Variants in TENM3 observed in about 807,000 individuals in gnomAD.
The protein encoded by TENM3 is teneurin transmembrane protein 3, also known as teneurin-3.
In TENM3, 63 loss-of-function variants were observed where a neutral mutation model predicts 255.1. The observed-to-expected ratio is 0.25, with a 90% CI of 0.20 to 0.30. The LOEUF (loss-of-function observed/expected upper bound fraction) is 0.30. Among genes scored for constraint, TENM3 ranks in the 10% least tolerant of loss-of-function variants. TENM3 has a pLI of 1.00. For missense variants in TENM3, 2,929 were observed against 3,461.1 expected, an observed-to-expected ratio of 0.85 and a Z score of 3.86; for synonymous variants, 1,306 against 1,322.3, an observed-to-expected ratio of 0.99 and a Z score of 0.27.
the TENM3 span, among the ~76,000 whole-genome samples, chr4:181,754,589 G>A: frequency 1.3e-5 from 2 of 152,148 alleles, no homozygotes; most frequent in African/African-American, 2.4e-5. Context: ...ACAAAGGAAT[G>A]ACAGTGGAGA....
chr4:181,605,564 A>AAGAAAGAG, the TENM3 span, among the ~76,000 whole-genome samples: 1 of 25,026 alleles, frequency 4.0e-5, no homozygotes, highest in African/African-American at 9.4e-5. Flanking sequence ...GAAAGAAAGA[A>AAGAAAGAG]AGAAAGAGAG....
chr4:182,508,721 G>A (rs902087951), intron 3 of TENM3, among the ~76,000 whole-genome samples: 5 of 152,182 alleles, frequency 3.3e-5, no homozygotes, highest in African/African-American at 1.2e-4. Context: ...TTAAATAAAT[G>A]ATGAAATGGG....
chr4:181,484,284 A>G, the TENM3 span, among the ~76,000 whole-genome samples: 59 of 152,052 alleles, frequency 3.9e-4, no homozygotes, highest in Non-Finnish European at 2.1e-4. Context: ...CATTTTTCCT[A>G]TAGATAATCA....
the TENM3 span, among the ~76,000 whole-genome samples, chr4:181,452,751 A>C: frequency 6.6e-6 from 1 of 152,326 alleles, no homozygotes; most frequent in Non-Finnish European, 1.5e-5. Flanking sequence ...AATTTTGTGC[A>C]GAGCATAGTC....
At chr4:181,938,507 C>T in the TENM3 span, among the ~76,000 whole-genome samples, 4 of 152,184 alleles carry the variant, frequency 2.6e-5, no homozygotes, top group Non-Finnish European at 5.9e-5. Flanking sequence ...TATATGTTCA[C>T]TTTTCGTTGT....
At chr4:182,319,373 T>A (rs1762917671) in intron 1 of TENM3, among the ~76,000 whole-genome samples, 1 of 152,236 alleles carries the variant, frequency 6.6e-6, no homozygotes, top group South Asian at 2.1e-4. Flanking sequence ...CTGACTTCCA[T>A]CAATGAAGCA....
At chr4:181,665,624 TATACACACAC>T in the TENM3 span, among the ~76,000 whole-genome samples, 2 of 146,324 alleles carry the variant, frequency 1.4e-5, no homozygotes, top group African/African-American at 4.9e-5. Flanking sequence ...AATGTGTATA[TATACACACAC>T]ATACACACAC....
At chr4:181,836,505 T>C in the TENM3 span, among the ~76,000 whole-genome samples, 1 of 152,324 alleles carries the variant, frequency 6.6e-6, no homozygotes, top group South Asian at 2.1e-4. Flanking sequence ...TTTTTTCATA[T>C]GAATGACTGA....
At chr4:182,254,164 C>T (rs189865677) in intron 1 of TENM3, among the ~76,000 whole-genome samples, 19 of 152,274 alleles carry the variant, frequency 1.2e-4, no homozygotes, top group Non-Finnish European at 2.2e-4. Flanking sequence ...CCTAATGCCC[C>T]TATGTGAAAT....
the TENM3 span, among the ~76,000 whole-genome samples, chr4:181,874,830 G>T: frequency 6.6e-6 from 1 of 152,324 alleles, no homozygotes; most frequent in East Asian, 1.9e-4. Context: ...CTTGGGCTCT[G>T]CTTCTTTGCA....
At chr4:181,587,305 A>G in the TENM3 span, among the ~76,000 whole-genome samples, 1 of 152,126 alleles carries the variant, frequency 6.6e-6, no homozygotes, top group African/African-American at 2.4e-5. Flanking sequence ...CATTGAATCA[A>G]TCATCTCCCA....
chr4:182,009,829 G>C, the TENM3 span, among the ~76,000 whole-genome samples: 9 of 152,360 alleles, frequency 5.9e-5, no homozygotes, highest in Non-Finnish European at 1.0e-4. Flanking sequence ...CTAGGCCCCG[G>C]TGGCCTGGGT....
At chr4:181,827,466 A>T in the TENM3 span, among the ~76,000 whole-genome samples, 1 of 152,200 alleles carries the variant, frequency 6.6e-6, no homozygotes, top group Non-Finnish European at 1.5e-5. Flanking sequence ...AGTAGCTCAC[A>T]CAAAAGATTT....
chr4:181,451,913 A>AT, the TENM3 span, among the ~76,000 whole-genome samples: 1,773 of 152,148 alleles, frequency 0.012, 56 homozygotes, highest in East Asian at 0.09. Context: ...ACATAGGGAG[A>AT]TTTTTTTAAG....
chr4:182,560,958 A>C (rs985058847), intron 3 of TENM3, among the ~76,000 whole-genome samples: 8 of 152,184 alleles, frequency 5.3e-5, no homozygotes, highest in Admixed American at 2.6e-4. Context: ...TGTAGGATAG[A>C]GTACATCCAT....
chr4:182,240,594 T>G (rs1757188283), upstream of TENM3, among the ~76,000 whole-genome samples: 1 of 152,188 alleles, frequency 6.6e-6, no homozygotes, highest in African/African-American at 2.4e-5. Flanking sequence ...TCAAGTTATC[T>G]TGCGTGCACT....
intron 4 of TENM3, 27 bp from the exon 5 acceptor site, chr4:182,628,624 T>C (rs746419496): frequency 6.4e-6 from 9 of 1,397,232 alleles, no homozygotes; most frequent in African/African-American, 1.4e-5. Flanking sequence ...TATTTGTATC[T>C]TATAATGATA....
the TENM3 span, among the ~76,000 whole-genome samples, chr4:181,897,647 G>T: frequency 6.6e-6 from 1 of 152,180 alleles, no homozygotes; most frequent in Admixed American, 6.5e-5. Context: ...AAATCTGAAA[G>T]TTAGAGATCA....
chr4:182,748,890 C>A (rs567567816), intron 19 of TENM3, among the ~76,000 whole-genome samples: 1 of 152,254 alleles, frequency 6.6e-6, no homozygotes, highest in Admixed American at 6.5e-5. Flanking sequence ...AAGCCATTGA[C>A]ATTTGTTGCT....
Sources: gnomAD v4.1 joint callset for allele counts (sites outside exome capture counted in the v4.1 genomes callset) on GRCh38, gnomAD v4.1.1 for gene constraint, MANE v1.5 for transcripts, NCBI Gene and HGNC (gene_info 2026-07-23, HGNC 2026-07-21) for gene names.